RGS7: variants seen among roughly 807,000 people sequenced by gnomAD.
The protein encoded by RGS7 is regulator of G-protein signaling 7.
A neutral mutation model predicts 81.1 loss-of-function variants in RGS7; 27 were observed. The ratio of observed to expected loss-of-function variants is 0.33; its 90% CI spans 0.25 to 0.46. The LOEUF (loss-of-function observed/expected upper bound fraction) is 0.46. Ranked by LOEUF, RGS7 falls within the 20% of genes least tolerant of loss-of-function variation. The pLI is 1.00. For missense variants in RGS7, 396 were observed against 607.4 expected, an observed-to-expected ratio of 0.65 and a Z score of 3.66; for synonymous variants, 208 against 207.7, an observed-to-expected ratio of 1.00 and a Z score of -0.01.
chr1:241,013,379 G>C (rs1176424260), intron 3 of RGS7, among the ~76,000 whole-genome samples: 3 of 152,098 alleles, frequency 2.0e-5, no homozygotes, highest in African/African-American at 7.2e-5. Context: ...CCTGCTTCGA[G>C]TCTCACACTT....
At chr1:241,231,983 T>A (rs1026178987) in intron 2 of RGS7, among the ~76,000 whole-genome samples, 3 of 152,188 alleles carry the variant, frequency 2.0e-5, no homozygotes, top group Non-Finnish European at 4.4e-5. Flanking sequence ...CTATTATTCA[T>A]TTTGAGGTAA....
At chr1:241,350,441 G>C (rs551444184) in intron 2 of RGS7, among the ~76,000 whole-genome samples, 32 of 152,246 alleles carry the variant, frequency 2.1e-4, no homozygotes, top group African/African-American at 7.2e-4. Context: ...CCTCCCATCT[G>C]AGCCCTTAAT....
intron 2 of RGS7, among the ~76,000 whole-genome samples, chr1:241,316,099 C>T (rs1362653659): frequency 1.3e-5 from 2 of 152,134 alleles, no homozygotes; most frequent in Non-Finnish European, 2.9e-5. Context: ...GGGTTCTTCC[C>T]CACACATCAA....
At position 241,271,191 on chromosome 1, in the gene RGS7, A is replaced by T. The variant is rs2077879025; in HGVS notation, c.78+84508T>A. 6.6e-6 allele frequency among the ~76,000 whole-genome samples: 1 copy of T among 152,160 alleles called. No individual in the cohort carries two copies. Among genetic ancestry groups the T allele is most frequent in the South Asian group, 2.1e-4 (1 of 4,828 alleles). ...AACGTCTCCTTTATAATGTGGAGCT[A>T]AACAGTTCAAAATCTTGAACAGATC... On this transcript the variant is annotated intron_variant, in intron 2 of 18. Transcript: ENST00000440928. This position sits in a 1 kb window ranked among gnomAD's most constrained non-coding sequence, Gnocchi z 4.6.
chr1:240,968,329 A>G (rs1468029958), intron 4 of RGS7, among the ~76,000 whole-genome samples: 1 of 152,192 alleles, frequency 6.6e-6, no homozygotes, highest in Non-Finnish European at 1.5e-5. Context: ...CCCTTCCAAA[A>G]TTTGGTTTAA....
intron 3 of RGS7, among the ~76,000 whole-genome samples, chr1:241,024,571 T>C (rs1301479956): frequency 6.6e-6 from 1 of 152,196 alleles, no homozygotes; most frequent in Admixed American, 6.5e-5. Flanking sequence ...GAAAGAAATG[T>C]GAATTGACTC....
At chr1:240,941,048 C>T (rs926893070) in intron 4 of RGS7, among the ~76,000 whole-genome samples, 1 of 152,136 alleles carries the variant, frequency 6.6e-6, no homozygotes, top group Non-Finnish European at 1.5e-5. Context: ...TTTTACTTCT[C>T]TTCTGAGTGA....
chr1:240,988,529 A>C (rs779075504), intron 3 of RGS7, among the ~76,000 whole-genome samples: 2 of 152,186 alleles, frequency 1.3e-5, no homozygotes, highest in Non-Finnish European at 2.9e-5. Context: ...GAATTAATGA[A>C]CTAAATTTCT....
At chr1:240,856,229 T>G (rs1226662868) in intron 9 of RGS7, among the ~76,000 whole-genome samples, 5 of 152,230 alleles carry the variant, frequency 3.3e-5, no homozygotes, top group Non-Finnish European at 7.3e-5. Context: ...AAAAGTTCTC[T>G]AGATCCTAAC....
intron 2 of RGS7, among the ~76,000 whole-genome samples, chr1:241,220,997 G>GAA (rs71172690): frequency 0.056 from 4,989 of 89,680 alleles, 319 homozygotes; most frequent in Middle Eastern, 0.091. Flanking sequence ...AAGGAAGGAA[G>GAA]AGAGAGAGAA....
At chr1:241,121,241 T>C (rs1384995043) in intron 2 of RGS7, among the ~76,000 whole-genome samples, 1 of 152,244 alleles carries the variant, frequency 6.6e-6, no homozygotes, top group Non-Finnish European at 1.5e-5. Context: ...ATTTTACTTT[T>C]CTAACTTGCT....
chr1:240,813,749 C>T lies in RGS7; in HGVS notation c.846-21G>A, dbSNP rs1690297650. The T allele has an allele frequency of 2.6e-6, 4 of 1,527,920 alleles. No homozygotes were observed. The East Asian group carries it at 9.0e-5, about 34-fold the overall frequency. 94.6% of individuals were successfully genotyped at this position (1,527,920 alleles called of 1,614,324 possible). A position where few individuals can be genotyped will look rare whatever the true frequency, so the allele number is the denominator to read the frequency against. On this transcript the variant is annotated intron_variant, in intron 12 of 18. Coordinates refer to ENST00000440928, the MANE Select transcript of RGS7 (RefSeq NM_001364886.1). ...GTAGACTAAGGAGAAAAAACATTTC[C>T]AGTTTCTTTAGTTTTCTGACTGGGG...
In RGS7 at chr1:241,129,352, C is replaced by T. The variant is rs550585337; in HGVS notation, c.79-30590G>A. 1.2e-3 allele frequency among the ~76,000 whole-genome samples: 180 copies of T among 152,100 alleles called. 2 individuals are homozygous for T. The highest frequency in any genetic ancestry group is 4.2e-3 in the African/African-American group (174 of 41,484). Reference sequence around the variant, plus strand: ...AATTTCACAAAATGAAGTAAAGTCCCGAGGCAGGATGATTTCAGATTTGGT... The same window carrying T: ...AATTTCACAAAATGAAGTAAAGTCCTGAGGCAGGATGATTTCAGATTTGGT... On this transcript the variant is annotated intron_variant, in intron 2 of 18. Coordinates refer to ENST00000440928, the MANE Select transcript of RGS7 (RefSeq NM_001364886.1).
At position 240,936,621 on chromosome 1, in the gene RGS7, A is replaced by G. The variant is rs1253354416; in HGVS notation, c.312T>C (p.Asp104=). 3.7e-6 allele frequency: 6 copies of G among 1,613,766 alleles called. No homozygotes were observed. Among genetic ancestry groups the G allele is most frequent in the Non-Finnish European group, 5.1e-6 (6 of 1,179,766 alleles). ...TTACTTGAAACCGGTAAAAGGTGCCATCATCCTTGAGTGTGAGGACATGAT... is the reference window on the plus strand; with the variant it reads ...TTACTTGAAACCGGTAAAAGGTGCCGTCATCCTTGAGTGTGAGGACATGAT... ...ISDHVLTLKD[D]GTFYRFQTPY... Residue 104 remains aspartate (D), a synonymous_variant, in exon 5 of 19, where the codon GAT becomes GAC. Transcript: ENST00000440928.
intron 2 of RGS7, among the ~76,000 whole-genome samples, chr1:241,200,007 T>C (rs1017618929): frequency 1.3e-5 from 2 of 152,184 alleles, no homozygotes; most frequent in Non-Finnish European, 2.9e-5. Flanking sequence ...TTAAATAAAA[T>C]TATACAATGT....
intron 6 of RGS7, among the ~76,000 whole-genome samples, chr1:240,911,673 A>G (rs1000858411): frequency 7.9e-5 from 12 of 152,190 alleles, no homozygotes; most frequent in African/African-American, 2.9e-4. Context: ...CAACTGAAAA[A>G]CACTCATGCC....
At chr1:241,300,886 G>A (rs1361492599) in intron 2 of RGS7, among the ~76,000 whole-genome samples, 1 of 152,186 alleles carries the variant, frequency 6.6e-6, no homozygotes, top group African/African-American at 2.4e-5. Context: ...AACAATGAAT[G>A]AGAGTTACTG....
chr1:241,035,165 T>G (rs2060263513), intron 3 of RGS7, among the ~76,000 whole-genome samples: 1 of 152,034 alleles, frequency 6.6e-6, no homozygotes, highest in Non-Finnish European at 1.5e-5. Context: ...ATAGCAACAT[T>G]AAGGGTAGCA....
At chr1:240,818,616 A>G (rs1278986810) in intron 10 of RGS7, among the ~76,000 whole-genome samples, 2 of 152,228 alleles carry the variant, frequency 1.3e-5, no homozygotes, top group Non-Finnish European at 2.9e-5. Context: ...TTCAGCCTTT[A>G]TAGAACAAGA....
Sources: allele counts gnomAD v4.1 joint callset (sites outside exome capture counted in the v4.1 genomes callset), GRCh38; gene constraint gnomAD v4.1.1; non-coding constraint Gnocchi (gnomAD v3.1); transcripts MANE v1.5; gene names NCBI Gene and HGNC (gene_info 2026-07-23, HGNC 2026-07-21).